The following VRK3 variants were observed in gnomAD, a reference collection of about 807,000 sequenced individuals.
The protein encoded by VRK3 is VRK serine/threonine kinase 3.
A neutral mutation model predicts 60.4 loss-of-function variants in VRK3; 50 were observed. That is an observed-to-expected ratio of 0.83 (90% CI 0.66 to 1.05). The LOEUF is 1.05. VRK3 is among the 50% of genes least tolerant of loss of function. The pLI is 0.00. For missense variants in VRK3, 549 were observed against 585.3 expected (o/e 0.94, Z 0.64); for synonymous variants, 246 against 227.8 (o/e 1.08, Z -0.72).
At chr19:49,999,027 G>A (rs1395986203) in intron 6 of VRK3, 1 of 146,956 alleles carries the variant, frequency 6.8e-6, no homozygotes, top group Admixed American at 6.8e-5. Context: ...GGAGGCTAAA[G>A]TGGAAGGATC....
At chr19:49,978,989 TG>T in intron 14 of VRK3, 93 bp downstream of exon 14, 1 of 1,365,794 alleles carries the variant, frequency 7.3e-7, no homozygotes, top group South Asian at 1.5e-5. Flanking sequence ...GGTATGAACG[TG>T]GAACAGCCTC....
intron 12 of VRK3, among the ~76,000 whole-genome samples, chr19:49,985,401 G>A (rs545806336): frequency 6.6e-6 from 1 of 152,358 alleles, no homozygotes; most frequent in South Asian, 2.1e-4. Flanking sequence ...GGGGGCTGAA[G>A]GCCTGTCTCT....
At chr19:50,019,596 A>T (rs560270355) in intron 2 of VRK3, among the ~76,000 whole-genome samples, 18 of 136,444 alleles carry the variant, frequency 1.3e-4, no homozygotes, top group African/African-American at 4.3e-4. Context: ...TGCGGCCTCG[A>T]GCTCTTGGGC....
Position 49,992,857 on chromosome 19 carries a change from T to G in VRK3, c.963+3A>C, listed in dbSNP as rs1330652895. 1.2e-6 allele frequency: 2 copies of G among 1,614,100 alleles called. No individual in the cohort carries two copies. The highest frequency in any genetic ancestry group is 2.2e-5 in the East Asian group (1 of 44,884). Reference sequence around the variant, plus strand: ...TCCAGAGTGGGCAGGAGCTGGCTCTTACCTGACTCTGGTCCTCTGGATCCA... The same window carrying G: ...TCCAGAGTGGGCAGGAGCTGGCTCTGACCTGACTCTGGTCCTCTGGATCCA... On this transcript the variant is annotated splice_donor_region_variant and intron_variant, in intron 10 of 14. Coordinates refer to ENST00000316763, the MANE Select transcript of VRK3 (RefSeq NM_016440.4).
rs188755136 is a variant in VRK3, at chr19:50,019,636, A to G, written c.-2+949T>C. ...GCCATCCTCTCACCTCAGTCTCCCA[A>G]GTATCTGGGACTACAGGCATGTGCC... is the stretch of plus-strand genomic sequence containing the variant. On this transcript the variant is annotated intron_variant, in intron 2 of 14. Transcript: ENST00000316763. Among the ~76,000 whole-genome samples the G allele has an allele frequency of 5.7e-3, 740 of 129,546 alleles. 5 individuals are homozygous for G. The highest frequency in any genetic ancestry group is 0.019 in the African/African-American group (662 of 35,160). The allele number at this position is 129,546 out of a possible 152,430, so 85.0% of individuals were successfully genotyped here.
At position 50,009,155 on chromosome 19, in the gene VRK3, T is replaced by C. The variant is rs1055847780; in HGVS notation, c.289+81A>G. On this transcript the variant is annotated intron_variant, in intron 4 of 14. Transcript: ENST00000316763. Reference sequence around the variant, plus strand: ...ATGGATGATGTTTGAGCCGGGGCTGTGGCAGTTTTGTCCCAAAGATCATCA... The same window carrying C: ...ATGGATGATGTTTGAGCCGGGGCTGCGGCAGTTTTGTCCCAAAGATCATCA... 5.3e-6 allele frequency: 8 copies of C among 1,497,378 alleles called. No individual in the cohort carries two copies. The East Asian group carries it at 1.2e-4, about 22-fold the overall frequency. The allele number at this position is 1,497,378 out of a possible 1,614,324, so 92.8% of individuals were successfully genotyped here. A position where few individuals can be genotyped will look rare whatever the true frequency, so the allele number is the denominator to read the frequency against.
At position 50,006,141 on chromosome 19, in the gene VRK3, A is replaced by T. The variant is rs115600756; in HGVS notation, c.547+1428T>A. On this transcript the variant is annotated intron_variant, in intron 5 of 14. Coordinates refer to ENST00000316763, the MANE Select transcript of VRK3 (RefSeq NM_016440.4). ...TCTCTACTAAAAATACAAAAAATAA[A>T]AATAAAAAAATAAAAAAATTTAGCC... is the stretch of plus-strand genomic sequence containing the variant. 1.0e-4 allele frequency among the ~76,000 whole-genome samples: 15 copies of T among 150,294 alleles called. 3 individuals are homozygous for T. Among genetic ancestry groups the T allele is most frequent in the African/African-American group, 3.7e-4 (15 of 40,194 alleles).
At chr19:50,001,762 AC>A (rs11323379) in intron 5 of VRK3, among the ~76,000 whole-genome samples, 34,706 of 151,982 alleles carry the variant, frequency 0.23, 4,361 homozygotes, top group East Asian at 0.34. Context: ...CGCCAGGCTG[AC>A]CCAGGGTTCA....
intron 14 of VRK3, chr19:49,978,692 GAAAGT>G (rs2076371999): frequency 5.9e-6 from 1 of 169,152 alleles, no homozygotes; most frequent in Admixed American, 5.4e-5. Context: ...CAGGCCAAAG[GAAAGT>G]AGAGACTACA....
At position 49,992,902 on chromosome 19, in the gene VRK3, C is replaced by T. The variant is rs1432371362; in HGVS notation, c.921G>A (p.Val307=). The T allele has an allele frequency of 1.9e-6, 3 of 1,613,794 alleles. No homozygotes were observed. In the African/African-American group the frequency reaches 4.0e-5, roughly 22 times the overall value. ...LHENEYVHGN[V]TAENIFVDPE... Reference sequence around the variant, plus strand: ...GATCCACAAAGATATTTTCAGCTGTCACATTTCCATGAACATACTCATTCT... The same window carrying T: ...GATCCACAAAGATATTTTCAGCTGTTACATTTCCATGAACATACTCATTCT... Residue 307 remains valine (V), a synonymous_variant, in exon 10 of 15, where the codon GTG becomes GTA. Coordinates refer to ENST00000316763, the MANE Select transcript of VRK3 (RefSeq NM_016440.4).
chr19:50,007,446 T>C, intron 5 of VRK3, 123 bp downstream of exon 5: 2 of 1,434,394 alleles, frequency 1.4e-6, no homozygotes, highest in Admixed American at 1.9e-5. Flanking sequence ...TAAGAGAAAG[T>C]TGCCTAGCGA....
chr19:49,997,640 G>A, intron 6 of VRK3, 70 bp from the exon 7 acceptor site: 2 of 1,561,612 alleles, frequency 1.3e-6, no homozygotes, highest in Non-Finnish European at 8.7e-7. Flanking sequence ...AGTCCCCACT[G>A]GCAATTTGTT....
rs530392049 is a variant in VRK3 at position 49,988,600 on chromosome 19, T to A, written c.1097-108A>T. On this transcript the variant is annotated intron_variant, in intron 11 of 14. Coordinates refer to ENST00000316763, the MANE Select transcript of VRK3 (RefSeq NM_016440.4). ...TCTCACTGACTCAACCACACACTCA[T>A]ACACCCAGCCTTCCAGCCATATGGG... 19 of 1,421,866 alleles carry A rather than the reference T, an allele frequency of 1.3e-5. No homozygotes were observed. In the African/African-American group the frequency reaches 2.4e-4, roughly 18 times the overall value. 88.1% of individuals were successfully genotyped at this position (1,421,866 alleles called of 1,614,324 possible). A position where few individuals can be genotyped will look rare whatever the true frequency, so the allele number is the denominator to read the frequency against.
chr19:49,984,387 C>G (rs1309394246), intron 12 of VRK3, among the ~76,000 whole-genome samples: 2 of 152,104 alleles, frequency 1.3e-5, no homozygotes, highest in Non-Finnish European at 2.9e-5. Flanking sequence ...CTCTAGAGAC[C>G]AGGTCAGGCA....
In VRK3 at chr19:49,995,282, A is replaced by C; in HGVS notation, c.680-7T>G. The C allele has an allele frequency of 1.2e-6, 2 of 1,614,036 alleles. No individual in the cohort carries two copies. Among genetic ancestry groups the C allele is most frequent in the Non-Finnish European group, 1.7e-6 (2 of 1,179,940 alleles). ...AGCTTCTTCCACTTGTTGACTGCGG[A>C]AAGCAGGGGCTTGAGGTTAGAACCC... On this transcript the variant is annotated splice_region_variant and splice_polypyrimidine_tract_variant and intron_variant, in intron 7 of 14. Transcript: ENST00000316763.
In VRK3 at chr19:49,992,918, T is replaced by A; in HGVS notation, c.905A>T (p.Tyr302Phe). The change falls in exon 10 of 15, where the codon TAT becomes TTT. Residue 302 changes from tyrosine (Y) to phenylalanine (F), a missense_variant. Physicochemically the swap from Tyr to Phe is conservative, Grantham distance 22 (BLOSUM62 3). Transcript: ENST00000316763. ...TTCAGCTGTCACATTTCCATGAACA[T>A]ACTCATTCTCATGGAGGAACTCCAG... ...DALEFLHENE[Y>F]VHGNVTAENI... 1 of 1,613,660 alleles carries A rather than the reference T, an allele frequency of 6.2e-7. No individual in the cohort carries two copies. The highest frequency in any genetic ancestry group is 8.5e-7 in the Non-Finnish European group (1 of 1,180,024).
intron 11 of VRK3, among the ~76,000 whole-genome samples, chr19:49,988,840 G>T (rs775795341): frequency 1.3e-5 from 2 of 152,192 alleles, no homozygotes; most frequent in Non-Finnish European, 2.9e-5. Flanking sequence ...GCCCGTGACA[G>T]CCTAGTGGGG....
At chr19:49,994,946 T>A in intron 8 of VRK3, 27 bp from the exon 9 acceptor site, 3 of 1,603,978 alleles carry the variant, frequency 1.9e-6, no homozygotes, top group Non-Finnish European at 2.6e-6. Flanking sequence ...CCCCAGGAGG[T>A]GGGAGATGAA....
At chr19:49,991,242 T>C (rs913648000) in intron 10 of VRK3, among the ~76,000 whole-genome samples, 5 of 152,170 alleles carry the variant, frequency 3.3e-5, no homozygotes, top group African/African-American at 1.2e-4. Flanking sequence ...TTCTCCTTAA[T>C]GTGGGTGGGT....
Sources: allele counts gnomAD v4.1 joint callset (sites outside exome capture counted in the v4.1 genomes callset), GRCh38; gene constraint gnomAD v4.1.1; transcripts MANE v1.5; gene names NCBI Gene and HGNC (gene_info 2026-07-23, HGNC 2026-07-21).